RFC2: variants seen among roughly 807,000 people sequenced by gnomAD.
RFC2 encodes the protein A1 40 kDa subunit.
RFC2 carries 34 observed loss-of-function variants against 44.8 expected under a neutral mutation model. That is an observed-to-expected ratio of 0.76 (90% CI 0.58 to 1.01). The LOEUF (loss-of-function observed/expected upper bound fraction) is 1.01, where lower values mean the gene tolerates loss of function less well. RFC2 is among the 50% of genes least tolerant of loss of function. The probability of loss-of-function intolerance (pLI) is 0.00; values close to 1 mark genes in which losing one functional copy is unlikely to be tolerated. For synonymous variants in RFC2, 177 were observed against 168.9 expected (o/e 1.05, Z -0.37); for missense variants, 400 against 453.6 (o/e 0.88, Z 1.07).
At chr7:74,250,525 C>T (rs148983395) in intron 2 of RFC2, among the ~76,000 whole-genome samples, 459 of 152,264 alleles carry the variant, frequency 3.0e-3, no homozygotes, top group Non-Finnish European at 4.6e-3. Flanking sequence ...ACTGTCTATG[C>T]CATGAAGTTG....
At position 74,238,932 on chromosome 7, in the gene RFC2, G is replaced by A. The variant is rs782013788; in HGVS notation, c.750C>T (p.Asn250=). 6 of 1,613,440 alleles carry A rather than the reference G, an allele frequency of 3.7e-6. No individual in the cohort carries two copies. Among genetic ancestry groups the A allele is most frequent in the Non-Finnish European group, 5.1e-6 (6 of 1,179,518 alleles). The change falls in exon 8 of 11, where the codon AAC becomes AAT. Residue 250 remains asparagine (N), a synonymous_variant. Transcript: ENST00000055077. The surrounding 1 kb of genome is among the most constrained non-coding windows in gnomAD (Gnocchi z 4.0). ...FSGFGFINSE[N]VFKVCDEPHP... The stretch of plus-strand genomic sequence containing the variant: ...ACACTAGCGCTTGTACCTTGAACAC[G>A]TTCTCACTGTTAATGAAGCCAAATC...
In RFC2 at chr7:74,251,941, C is replaced by CA. The variant is rs1486184704; in HGVS notation, c.183+487dup. ...TGAAACCCCATCTCTACTAAAAATA[C>CA]AAAAAAAATTAGCCAGGCATGGTGG... On this transcript the variant is annotated intron_variant, in intron 2 of 10. Coordinates refer to ENST00000055077, the MANE Select transcript of RFC2 (RefSeq NM_181471.3). Among the ~76,000 whole-genome samples, 549 of 119,904 alleles carry CA rather than the reference C, an allele frequency of 4.6e-3. 2 individuals are homozygous for CA. The highest frequency in any genetic ancestry group is 6.8e-3 in the Middle Eastern group (1 of 146). 78.7% of individuals were successfully genotyped at this position (119,904 alleles called of 152,430 possible). A position where few individuals can be genotyped will look rare whatever the true frequency, so the allele number is the denominator to read the frequency against.
chr7:74,233,813 G>C (rs1554717703), intron 10 of RFC2: 1 of 456,574 alleles, frequency 2.2e-6, no homozygotes, highest in Non-Finnish European at 4.4e-6. Context: ...AGCACTCCAT[G>C]TGGTGGCTAG....
chr7:74,246,280 T>TC (rs1803601938), intron 5 of RFC2, among the ~76,000 whole-genome samples: 1 of 151,636 alleles, frequency 6.6e-6, no homozygotes, highest in Non-Finnish European at 1.5e-5. Flanking sequence ...ATGCCTGTAG[T>TC]CCCAGATACT....
At chr7:74,244,893 T>A (rs901676975) in intron 5 of RFC2, among the ~76,000 whole-genome samples, 3 of 151,552 alleles carry the variant, frequency 2.0e-5, no homozygotes, top group Non-Finnish European at 4.4e-5. Flanking sequence ...AGCCGAGGAG[T>A]TCAAGGTTGC....
chr7:74,240,775 C>A (rs1158006849), intron 6 of RFC2, among the ~76,000 whole-genome samples: 1 of 152,220 alleles, frequency 6.6e-6, no homozygotes, highest in East Asian at 1.9e-4. Flanking sequence ...ACAATTCAAT[C>A]TGAATGGGCC....
intron 6 of RFC2, 129 bp downstream of exon 6, chr7:74,243,017 G>A: frequency 1.6e-6 from 1 of 618,948 alleles, no homozygotes; most frequent in Non-Finnish European, 2.9e-6. Flanking sequence ...ACAGGAGTTT[G>A]AGGCTGCAGT....
At chr7:74,244,008 T>C (rs1370678325) in intron 5 of RFC2, among the ~76,000 whole-genome samples, 1 of 145,184 alleles carries the variant, frequency 6.9e-6, no homozygotes, top group East Asian at 2.1e-4. Context: ...CCCAGCACAT[T>C]GGGAGGCCGA....
intron 10 of RFC2, 135 bp from the exon 11 acceptor site, chr7:74,232,351 C>T: frequency 1.7e-6 from 1 of 588,076 alleles, no homozygotes; most frequent in Non-Finnish European, 3.0e-6. Flanking sequence ...TGAGGAATTC[C>T]AACCCCAGCC....
intron 2 of RFC2, 57 bp downstream of exon 2, chr7:74,252,372 A>AC: frequency 1.1e-6 from 1 of 909,606 alleles, no homozygotes; most frequent in South Asian, 1.4e-5. Context: ...GCACCACTGC[A>AC]CTCCAGCCTG....
intron 5 of RFC2, among the ~76,000 whole-genome samples, chr7:74,244,148 G>A (rs928898751): frequency 9.3e-4 from 139 of 149,136 alleles, no homozygotes; most frequent in Middle Eastern, 3.5e-3. Context: ...CACGTCTGTA[G>A]TCCCAGCTAC....
At chr7:74,240,622 C>T (rs1584251352) in intron 6 of RFC2, among the ~76,000 whole-genome samples, 1 of 152,056 alleles carries the variant, frequency 6.6e-6, no homozygotes, top group Non-Finnish European at 1.5e-5. Flanking sequence ...ATGGCCTTGG[C>T]TAGCCACGGC....
At chr7:74,240,748 G>A (rs1803289337) in intron 6 of RFC2, among the ~76,000 whole-genome samples, 1 of 152,170 alleles carries the variant, frequency 6.6e-6, no homozygotes, top group Admixed American at 6.5e-5. Flanking sequence ...CTGGATGTTG[G>A]CCCTTCTGGG....
chr7:74,240,416 C>T (rs901224783), intron 6 of RFC2, among the ~76,000 whole-genome samples: 1 of 150,812 alleles, frequency 6.6e-6, no homozygotes, highest in Non-Finnish European at 1.5e-5. Context: ...GCAAGAGACT[C>T]GCTTGAGCAC....
intron 5 of RFC2, among the ~76,000 whole-genome samples, chr7:74,243,626 A>G (rs1803453058): frequency 6.6e-6 from 1 of 150,712 alleles, no homozygotes; most frequent in Non-Finnish European, 1.5e-5. Flanking sequence ...TTAAAGAGAC[A>G]GGTTCTTGCT....
At chr7:74,233,784 T>C in intron 10 of RFC2, 1 of 456,342 alleles carries the variant, frequency 2.2e-6, no homozygotes, top group South Asian at 1.5e-5. Flanking sequence ...CCTATTAGAA[T>C]GGCTTAAAAA....
At chr7:74,246,250 T>G (rs150788401) in intron 5 of RFC2, among the ~76,000 whole-genome samples, 2,189 of 146,974 alleles carry the variant, frequency 0.015, 52 homozygotes, top group African/African-American at 0.054. Flanking sequence ...AATACAAAAA[T>G]TAGCCGGGTG....
rs1353388968 is a variant in RFC2, at chr7:74,238,556, C to T, written c.759+367G>A. On this transcript the variant is annotated intron_variant, in intron 8 of 10. Transcript: ENST00000055077. The surrounding 1 kb of genome is among the most constrained non-coding windows in gnomAD (Gnocchi z 4.0). ...GGAACAGCACAGTGCTCCTGCCTGC[C>T]CTTTAGGGGCCAGGGGATCCCCTGG... Among the ~76,000 whole-genome samples the T allele has an allele frequency of 2.0e-5, 3 of 151,914 alleles. No individual in the cohort carries two copies. Among genetic ancestry groups the T allele is most frequent in the Admixed American group, 2.0e-4 (3 of 15,246 alleles).
intron 5 of RFC2, among the ~76,000 whole-genome samples, chr7:74,246,050 G>A (rs1803583870): frequency 1.3e-5 from 2 of 151,938 alleles, no homozygotes; most frequent in Admixed American, 6.6e-5. Context: ...CAAAAAATCA[G>A]CTGGGCGTGG....
Sources: gnomAD v4.1 joint callset for allele counts (sites outside exome capture counted in the v4.1 genomes callset) on GRCh38, gnomAD v4.1.1 for gene constraint, Gnocchi (gnomAD v3.1) non-coding constraint, MANE v1.5 for transcripts, NCBI Gene and HGNC (gene_info 2026-07-23, HGNC 2026-07-21) for gene names.